SLC6A6: variants seen among roughly 807,000 people sequenced by gnomAD.
SLC6A6 encodes the protein solute carrier family 6 member 6.
Under a neutral mutation model 68.8 loss-of-function variants are expected in SLC6A6, and 16 were observed. The ratio of observed to expected loss-of-function variants is 0.23; its 90% CI spans 0.16 to 0.35. SLC6A6 has a LOEUF of 0.35. SLC6A6 is among the 10% of genes least tolerant of loss of function. SLC6A6 has a pLI of 1.00. For missense variants in SLC6A6, 474 were observed against 802.8 expected, an observed-to-expected ratio of 0.59 and a Z score of 4.95; for synonymous variants, 312 against 315.4, an observed-to-expected ratio of 0.99 and a Z score of 0.12.
At position 14,472,329 on chromosome 3, in the gene SLC6A6, G is replaced by T. The variant is rs1283243981; in HGVS notation, c.1209+12G>T. On this transcript the variant is annotated intron_variant, in intron 10 of 14. Coordinates refer to ENST00000622186, the MANE Select transcript of SLC6A6 (RefSeq NM_003043.6). This position sits in a 1 kb window ranked among gnomAD's most constrained non-coding sequence, Gnocchi z 4.5. ...GACTGGATAGCCAGGTGCGTATAAG[G>T]GATGGCCCTGGGGCGACTGCCCCTG... 1 of 1,505,364 alleles carries T rather than the reference G, an allele frequency of 6.6e-7. No individual in the cohort carries two copies. Among genetic ancestry groups the T allele is most frequent in the Admixed American group, 1.7e-5 (1 of 59,864 alleles). The allele number at this position is 1,505,364 out of a possible 1,614,324, so 93.3% of individuals were successfully genotyped here.
At chr3:14,441,943 G>A (rs2124941443) in intron 2 of SLC6A6, among the ~76,000 whole-genome samples, 1 of 152,382 alleles carries the variant, frequency 6.6e-6, no homozygotes, top group East Asian at 1.9e-4. Context: ...GTCCCCAGGA[G>A]CCTCTATTCT....
Position 14,447,807 on chromosome 3 carries a change from A to C in SLC6A6, c.590A>C (p.Glu197Ala), listed in dbSNP as rs1207552494. The part of the protein sequence containing the change: ...SSTNFTSPVI[E>A]FWERNVLSLS... ...ACCAACTTCACCTCCCCTGTCATCG[A>C]GTTCTGGGAGTAAGGCCACCTCATT... Residue 197 changes from glutamate (E) to alanine (A), a missense_variant, in exon 5 of 15, where the codon GAG (glutamate) becomes GCG (alanine). Physicochemically the swap from Glu to Ala is moderately radical, Grantham distance 107 (BLOSUM62 -1). Transcript: ENST00000622186. 1 of 1,614,030 alleles carries C rather than the reference A, an allele frequency of 6.2e-7. No individual in the cohort carries two copies. Among genetic ancestry groups the C allele is most frequent in the Non-Finnish European group, 8.5e-7 (1 of 1,180,032 alleles).
At chr3:14,403,851 A>G (rs1053654934) in intron 1 of SLC6A6, among the ~76,000 whole-genome samples, 1 of 152,178 alleles carries the variant, frequency 6.6e-6, no homozygotes, top group African/African-American at 2.4e-5. Context: ...TTCAGCCTGG[A>G]CTGGAGAGGA....
At chr3:14,460,178 C>T (rs28742931) in intron 6 of SLC6A6, among the ~76,000 whole-genome samples, 73,006 of 151,842 alleles carry the variant, frequency 0.48, 18,208 homozygotes, top group African/African-American at 0.6. Flanking sequence ...GAGCCTCTAC[C>T]GTGTGCCAGG....
intron 6 of SLC6A6, among the ~76,000 whole-genome samples, chr3:14,458,335 G>A (rs1700417469): frequency 6.6e-6 from 1 of 152,176 alleles, no homozygotes; most frequent in Non-Finnish European, 1.5e-5. Context: ...CAGAATTCCT[G>A]AATATTGAAG....
At chr3:14,442,415 C>T (rs988951736) in intron 2 of SLC6A6, among the ~76,000 whole-genome samples, 1 of 152,190 alleles carries the variant, frequency 6.6e-6, no homozygotes, top group African/African-American at 2.4e-5. Context: ...CCCAGCTCAT[C>T]CGTTTTCTGT....
At chr3:14,413,612 G>C (rs943239234) in intron 1 of SLC6A6, among the ~76,000 whole-genome samples, 2 of 152,084 alleles carry the variant, frequency 1.3e-5, no homozygotes, top group African/African-American at 4.8e-5. Context: ...GCAGGGCTCC[G>C]CATTCTGGGT....
chr3:14,408,191 C>T (rs1337346851), intron 1 of SLC6A6, among the ~76,000 whole-genome samples: 1 of 152,154 alleles, frequency 6.6e-6, no homozygotes, highest in East Asian at 1.9e-4. Flanking sequence ...AACTGGTAAA[C>T]CATTCACTTT....
chr3:14,451,846 G>C (rs552538702), intron 5 of SLC6A6, among the ~76,000 whole-genome samples: 6 of 152,348 alleles, frequency 3.9e-5, no homozygotes, highest in African/African-American at 7.2e-5. Flanking sequence ...GCGCGTTGCT[G>C]TCTGGGAGCC....
At chr3:14,436,586 C>CTTTTTTTTTT (rs1699859935) in intron 2 of SLC6A6, among the ~76,000 whole-genome samples, 1 of 67,872 alleles carries the variant, frequency 1.5e-5, no homozygotes, top group Non-Finnish European at 2.8e-5. Context: ...TTTTTTGGTG[C>CTTTTTTTTTT]TTAATTGTTA....
rs115343383 is a variant in SLC6A6 at position 14,445,100 on chromosome 3, C to T, written c.230-617C>T. 6.5e-3 allele frequency among the ~76,000 whole-genome samples: 991 copies of T among 152,266 alleles called. 7 individuals carry two copies. The highest frequency in any genetic ancestry group is 0.023 in the African/African-American group (939 of 41,548). On this transcript the variant is annotated intron_variant, in intron 3 of 14. Transcript: ENST00000622186. ...GTTCAGGGGACGGATGTGGAGGAGA[C>T]AGGCAGGCAGTAGGCACAGCTGACA...
chr3:14,432,966 A>G (rs1699763355), intron 2 of SLC6A6, among the ~76,000 whole-genome samples: 1 of 152,232 alleles, frequency 6.6e-6, no homozygotes, highest in African/African-American at 2.4e-5. Flanking sequence ...CTCTTTGACC[A>G]GAGACGTCTT....
At chr3:14,417,621 A>G (rs1699392948) in intron 2 of SLC6A6, among the ~76,000 whole-genome samples, 1 of 151,628 alleles carries the variant, frequency 6.6e-6, no homozygotes, top group South Asian at 2.1e-4. Flanking sequence ...AGTTCCAGCT[A>G]CTCGGGAGGC....
chr3:14,466,178 C>T (rs1046875884), intron 6 of SLC6A6, among the ~76,000 whole-genome samples: 2 of 150,980 alleles, frequency 1.3e-5, no homozygotes, highest in African/African-American at 2.4e-5. Flanking sequence ...AGGAGAATCA[C>T]TTGAACCCAG....
At chr3:14,461,510 C>T (rs929381035) in intron 6 of SLC6A6, among the ~76,000 whole-genome samples, 1 of 152,210 alleles carries the variant, frequency 6.6e-6, no homozygotes, top group Admixed American at 6.5e-5. Context: ...GGCAGAGATC[C>T]AGACACTCAC....
At chr3:14,466,430 C>A in intron 6 of SLC6A6, 86 bp from the exon 7 acceptor site, 1 of 1,449,924 alleles carries the variant, frequency 6.9e-7, no homozygotes, top group Non-Finnish European at 9.4e-7. Context: ...CTGACCAGTG[C>A]TCCCCTCTGC....
Position 14,486,748 on chromosome 3 carries a change from C to T in SLC6A6, c.*1741C>T, listed in dbSNP as rs4685165. On this transcript the variant is annotated 3_prime_UTR_variant, in exon 15 of 15. Coordinates refer to ENST00000622186, the MANE Select transcript of SLC6A6 (RefSeq NM_003043.6). ...TTTTCACAGCAGGGGCTCTTGGAAC[C>T]CTGGAAACCCCCTTCTTAAATTTGG... The T allele has an allele frequency of 0.67, 101,432 of 152,356 alleles. 34,336 individuals are homozygous for T. Among genetic ancestry groups the T allele is most frequent in the East Asian group, 0.87 (4,499 of 5,168 alleles). The allele number at this position is 152,356 out of a possible 1,614,324, so 9.4% of individuals were successfully genotyped here. A position where few individuals can be genotyped will look rare whatever the true frequency, so the allele number is the denominator to read the frequency against.
At chr3:14,417,275 G>C (rs1449101580) in intron 2 of SLC6A6, among the ~76,000 whole-genome samples, 1 of 152,216 alleles carries the variant, frequency 6.6e-6, no homozygotes, top group East Asian at 1.9e-4. Context: ...GCCCTTCGTT[G>C]AGATTTTCCC....
rs1365932701 is a variant in SLC6A6, at chr3:14,486,263, T to TA, written c.*1256_*1257insA. The TA allele has an allele frequency of 6.6e-6, 1 of 152,638 alleles. No individual in the cohort carries two copies. The highest frequency in any genetic ancestry group is 6.5e-5 in the Admixed American group (1 of 15,282). The allele number at this position is 152,638 out of a possible 1,614,324, so 9.5% of individuals were successfully genotyped here. ...TTAAAGATGCCACCCTGGGCTGCCC[T>TA]GGCACCTAGCAAGGCACACCAAGAA... On this transcript the variant is annotated 3_prime_UTR_variant, in exon 15 of 15. Coordinates refer to ENST00000622186, the MANE Select transcript of SLC6A6 (RefSeq NM_003043.6).
Sources: allele counts gnomAD v4.1 joint callset (sites outside exome capture counted in the v4.1 genomes callset), GRCh38; gene constraint gnomAD v4.1.1; non-coding constraint Gnocchi (gnomAD v3.1); transcripts MANE v1.5; gene names NCBI Gene and HGNC (gene_info 2026-07-23, HGNC 2026-07-21).